Variants in DIS3L2 observed in about 807,000 individuals in gnomAD.
DIS3L2 encodes the protein DIS3-like exonuclease 2.
Under a neutral mutation model 97.5 loss-of-function variants are expected in DIS3L2, and 34 were observed. That is an observed-to-expected ratio of 0.35 (90% CI 0.27 to 0.46). The LOEUF (loss-of-function observed/expected upper bound fraction) is 0.46, where lower values mean the gene tolerates loss of function less well. Ranked by LOEUF, DIS3L2 falls within the 20% of genes least tolerant of loss-of-function variation. The probability of loss-of-function intolerance (pLI) is 1.00; values close to 1 mark genes in which losing one functional copy is unlikely to be tolerated. For synonymous variants in DIS3L2, 435 were observed against 445.2 expected, an observed-to-expected ratio of 0.98 and a Z score of 0.29; for missense variants, 1,038 against 1,146.0, an observed-to-expected ratio of 0.91 and a Z score of 1.36.
intron 6 of DIS3L2, among the ~76,000 whole-genome samples, chr2:232,127,527 A>G (rs753988771): frequency 8.5e-5 from 13 of 152,184 alleles, no homozygotes; most frequent in Non-Finnish European, 1.0e-4. Context: ...AGTAGCTTTT[A>G]ACTGGTCTCC....
At chr2:232,129,392 T>C (rs1698158632) in intron 6 of DIS3L2, among the ~76,000 whole-genome samples, 1 of 152,180 alleles carries the variant, frequency 6.6e-6, no homozygotes, top group African/African-American at 2.4e-5. Context: ...TTATAAAAAA[T>C]GTTCTAAAAG....
At chr2:232,069,254 C>T (rs912027255) in intron 5 of DIS3L2, among the ~76,000 whole-genome samples, 4 of 152,136 alleles carry the variant, frequency 2.6e-5, no homozygotes, top group Non-Finnish European at 5.9e-5. Flanking sequence ...GTTGTTTAAC[C>T]TTTACAGGTT....
rs1053974851 is a variant in DIS3L2 at position 232,293,897 on chromosome 2, G to A, written c.1660-6143G>A. On this transcript the variant is annotated intron_variant, in intron 13 of 20. Transcript: ENST00000325385. The surrounding 1 kb of genome is among the most constrained non-coding windows in gnomAD (Gnocchi z 4.6). ...GGATTAGGAGAACATAGCCAAGGGA[G>A]TAGGAAGATACATTGTGTGTCAGTG... 5.9e-5 allele frequency among the ~76,000 whole-genome samples: 9 copies of A among 152,228 alleles called. No individual in the cohort carries two copies. The highest frequency in any genetic ancestry group is 5.9e-4 in the Admixed American group (9 of 15,284).
intron 13 of DIS3L2, among the ~76,000 whole-genome samples, chr2:232,282,649 G>A (rs1252177830): frequency 6.6e-6 from 1 of 152,204 alleles, no homozygotes; most frequent in Non-Finnish European, 1.5e-5. Flanking sequence ...CAGCCTTTGA[G>A]TAAGGCTGCG....
rs780045314 is a variant in DIS3L2 at position 232,300,037 on chromosome 2, C to A, written c.1660-3C>A. The A allele has an allele frequency of 2.5e-6, 4 of 1,613,120 alleles. No homozygotes were observed. Among genetic ancestry groups the A allele is most frequent in the Non-Finnish European group, 3.4e-6 (4 of 1,179,204 alleles). ...CTTCTTTTTCTCTTCTCTCTCTCTT[C>A]AGCTAAAGCTTGCTTTCACTCTGGA... On this transcript the variant is annotated splice_region_variant and splice_polypyrimidine_tract_variant and intron_variant, in intron 13 of 20. Coordinates refer to ENST00000325385, the MANE Select transcript of DIS3L2 (RefSeq NM_152383.5).
At position 232,268,264 on chromosome 2, in the gene DIS3L2, AT is replaced by A. The variant is rs1444002135; in HGVS notation, c.1659+4825del. Among the ~76,000 whole-genome samples, 2 of 152,194 alleles carry A rather than the reference AT, an allele frequency of 1.3e-5. No homozygotes were observed. Among genetic ancestry groups the A allele is most frequent in the Non-Finnish European group, 2.9e-5 (2 of 68,030 alleles). Reference sequence around the variant, plus strand: ...AGCTTCACAACTGCATCTTGTATAAATCCTACTTGGTGCAATTTTGAAACCC... The same window carrying A: ...AGCTTCACAACTGCATCTTGTATAAACCTACTTGGTGCAATTTTGAAACCC... On this transcript the variant is annotated intron_variant, in intron 13 of 20. Transcript: ENST00000325385. The surrounding 1 kb of genome is among the most constrained non-coding windows in gnomAD (Gnocchi z 4.1).
At chr2:232,112,746 C>A (rs961511116) in intron 6 of DIS3L2, among the ~76,000 whole-genome samples, 25 of 151,696 alleles carry the variant, frequency 1.6e-4, no homozygotes, top group Middle Eastern at 3.4e-3. Context: ...GGCATGTAGA[C>A]AAGAGGAACA....
chr2:232,261,143 TTG>T (rs1693702100), intron 12 of DIS3L2, among the ~76,000 whole-genome samples: 1 of 152,150 alleles, frequency 6.6e-6, no homozygotes, highest in Admixed American at 6.5e-5. Flanking sequence ...ACTACATAGA[TTG>T]GGGTTCTGTG....
At chr2:231,962,779 C>G (rs1388912075) in intron 1 of DIS3L2, among the ~76,000 whole-genome samples, 1 of 152,152 alleles carries the variant, frequency 6.6e-6, no homozygotes, top group African/African-American at 2.4e-5. Context: ...TGTTTCTACT[C>G]CCACTTGTAA....
At chr2:232,114,950 C>G (rs1484733655) in intron 6 of DIS3L2, among the ~76,000 whole-genome samples, 1 of 152,158 alleles carries the variant, frequency 6.6e-6, no homozygotes, top group Non-Finnish European at 1.5e-5. Flanking sequence ...CCAGTGGGGA[C>G]TCTCTGCAGA....
At chr2:232,033,809 G>A (rs1215372323) in intron 5 of DIS3L2, among the ~76,000 whole-genome samples, 1 of 152,152 alleles carries the variant, frequency 6.6e-6, no homozygotes, top group African/African-American at 2.4e-5. Flanking sequence ...TGCATCCCAG[G>A]GATGAAGCCA....
At chr2:232,285,573 C>G (rs1462970203) in intron 13 of DIS3L2, among the ~76,000 whole-genome samples, 1 of 152,210 alleles carries the variant, frequency 6.6e-6, no homozygotes, top group East Asian at 1.9e-4. Flanking sequence ...AACACAGTGT[C>G]CCTGTTTGTG....
intron 7 of DIS3L2, chr2:232,131,993 G>C (rs2106351313): frequency 6.8e-6 from 1 of 147,174 alleles, no homozygotes; most frequent in South Asian, 2.2e-4. Context: ...CGGGGGTGGG[G>C]GTGTTCACAT....
At position 232,064,235 on chromosome 2, in the gene DIS3L2, C is replaced by G. The variant is rs918362082; in HGVS notation, c.367-23252C>G. Among the ~76,000 whole-genome samples the G allele has an allele frequency of 2.6e-5, 4 of 152,162 alleles. No homozygotes were observed. The South Asian group carries it at 8.3e-4, about 31-fold the overall frequency. ...TATCCCTTTTAAGTCAACATTTCCC[C>G]TCATCCCACAGCCCCTGCCAACCAC... On this transcript the variant is annotated intron_variant, in intron 5 of 20. Coordinates refer to ENST00000325385, the MANE Select transcript of DIS3L2 (RefSeq NM_152383.5).
At chr2:232,156,716 A>C (rs1690506034) in intron 8 of DIS3L2, among the ~76,000 whole-genome samples, 1 of 152,158 alleles carries the variant, frequency 6.6e-6, no homozygotes, top group Non-Finnish European at 1.5e-5. Flanking sequence ...ACTCACTCTT[A>C]ACTTCAAGGT....
chr2:232,127,135 G>T (rs1019149321), intron 6 of DIS3L2, among the ~76,000 whole-genome samples: 11 of 152,132 alleles, frequency 7.2e-5, no homozygotes, highest in African/African-American at 2.4e-4. Context: ...CTCCAGCTTG[G>T]GCTGGAAAGT....
chr2:232,203,926 G>A (rs1223790713), intron 9 of DIS3L2, among the ~76,000 whole-genome samples: 3 of 152,328 alleles, frequency 2.0e-5, no homozygotes, highest in Admixed American at 1.3e-4. Context: ...AGCAGAGGGT[G>A]TAGAGAAGAA....
intron 14 of DIS3L2, among the ~76,000 whole-genome samples, chr2:232,312,556 A>G (rs1202293536): frequency 1.3e-5 from 2 of 152,240 alleles, no homozygotes; most frequent in African/African-American, 4.8e-5. Context: ...CTTTTTCTAT[A>G]AAGAGCACCT....
At chr2:232,259,353 T>C (rs993032986) in intron 12 of DIS3L2, among the ~76,000 whole-genome samples, 15 of 151,298 alleles carry the variant, frequency 9.9e-5, no homozygotes, top group African/African-American at 3.4e-4. Flanking sequence ...GCATAGGCGG[T>C]GAGCAGGCTT....
Sources: gnomAD v4.1 joint callset for allele counts (sites outside exome capture counted in the v4.1 genomes callset) on GRCh38, gnomAD v4.1.1 for gene constraint, Gnocchi (gnomAD v3.1) non-coding constraint, MANE v1.5 for transcripts, NCBI Gene and HGNC (gene_info 2026-07-23, HGNC 2026-07-21) for gene names.